Variants in OSBP2 observed in about 807,000 individuals in gnomAD.
The protein encoded by OSBP2 is oxysterol-binding protein 2.
OSBP2 carries 66 observed loss-of-function variants against 96.0 expected under a neutral mutation model. The observed-to-expected ratio is 0.69, with a 90% CI of 0.56 to 0.84. OSBP2 has a LOEUF of 0.84. OSBP2 is among the 40% of genes least tolerant of loss of function. OSBP2 has a pLI of 0.00. For synonymous variants in OSBP2, 525 were observed against 520.9 expected (o/e 1.01, Z -0.11); for missense variants, 1,038 against 1,222.7 (o/e 0.85, Z 2.25).
At chr22:30,762,420 C>T (rs928045247) in intron 2 of OSBP2, among the ~76,000 whole-genome samples, 7 of 151,350 alleles carry the variant, frequency 4.6e-5, no homozygotes, top group African/African-American at 1.2e-4. Flanking sequence ...TGGTGGCGGG[C>T]GCCTGTAGTC....
intron 3 of OSBP2, among the ~76,000 whole-genome samples, chr22:30,877,844 G>T (rs1010881898): frequency 4.6e-5 from 7 of 152,240 alleles, no homozygotes; most frequent in Admixed American, 6.5e-5. Context: ...CCTAGGACAT[G>T]GTCCTTCTGA....
chr22:30,758,671 G>C (rs1420838695), intron 2 of OSBP2, among the ~76,000 whole-genome samples: 2 of 152,118 alleles, frequency 1.3e-5, no homozygotes, highest in East Asian at 1.9e-4. Flanking sequence ...GTGGCGATGA[G>C]AGGCCTGCAG....
chr22:30,734,611 C>G (rs1395523106), intron 1 of OSBP2, among the ~76,000 whole-genome samples: 1 of 152,154 alleles, frequency 6.6e-6, no homozygotes, highest in Non-Finnish European at 1.5e-5. Context: ...AAACAACAAT[C>G]TGGATTTTAG....
At chr22:30,861,114 G>A (rs977620992) in intron 2 of OSBP2, among the ~76,000 whole-genome samples, 2 of 152,174 alleles carry the variant, frequency 1.3e-5, no homozygotes, top group Non-Finnish European at 2.9e-5. Context: ...TCTGGGATTT[G>A]TGCTTGTCGA....
At chr22:30,902,693 C>G in intron 12 of OSBP2, 1 of 530,912 alleles carries the variant, frequency 1.9e-6, no homozygotes, top group Non-Finnish European at 3.6e-6. Flanking sequence ...AATGTTGTGA[C>G]GCCCCTCAAT....
chr22:30,872,016 G>C lies in OSBP2; in HGVS notation c.1107+1334G>C, dbSNP rs139434714. Among the ~76,000 whole-genome samples the C allele has an allele frequency of 5.9e-5, 9 of 152,380 alleles. No individual in the cohort carries two copies. In the East Asian group the frequency reaches 1.7e-3, roughly 29 times the overall value. On this transcript the variant is annotated intron_variant, in intron 3 of 13. Transcript: ENST00000332585. ...CGACTGCTGGGAAACTCAGCCTGCA[G>C]GTGCCCACCCGCCTCAGCTCAGCAG...
chr22:30,831,520 G>A (rs1255108750), intron 2 of OSBP2, among the ~76,000 whole-genome samples: 2 of 152,308 alleles, frequency 1.3e-5, no homozygotes, highest in African/African-American at 4.8e-5. Context: ...GTTCAGAGAA[G>A]TGGTCCCTGG....
chr22:30,893,367 C>T, intron 9 of OSBP2, 96 bp from the exon 10 acceptor site: 1 of 1,524,980 alleles, frequency 6.6e-7, no homozygotes, highest in Non-Finnish European at 9.1e-7. Context: ...GCCTCTTCAA[C>T]CCCCCAGCCT....
chr22:30,781,142 ATTTTTT>A (rs136305), intron 2 of OSBP2, among the ~76,000 whole-genome samples: 1 of 133,682 alleles, frequency 7.5e-6, no homozygotes, highest in African/African-American at 2.8e-5. Flanking sequence ...TGCCTGGCTA[ATTTTTT>A]TTTTTTTTTT....
chr22:30,867,262 C>G (rs1395434459), intron 2 of OSBP2, among the ~76,000 whole-genome samples: 1 of 152,160 alleles, frequency 6.6e-6, no homozygotes, highest in African/African-American at 2.4e-5. Context: ...TCAACTGCCA[C>G]ATGCTCCCTT....
intron 2 of OSBP2, among the ~76,000 whole-genome samples, chr22:30,746,902 G>A (rs1255360011): frequency 6.6e-6 from 1 of 152,162 alleles, no homozygotes; most frequent in Non-Finnish European, 1.5e-5. Flanking sequence ...TATGAATATA[G>A]CTGCAAAATC....
intron 1 of OSBP2, among the ~76,000 whole-genome samples, chr22:30,739,202 T>C (rs2089899736): frequency 6.6e-6 from 1 of 152,220 alleles, no homozygotes; most frequent in African/African-American, 2.4e-5. Context: ...CCTCCCCTTA[T>C]TTTGATACCA....
intron 1 of OSBP2, among the ~76,000 whole-genome samples, chr22:30,715,211 A>G (rs1344024256): frequency 6.6e-6 from 1 of 152,006 alleles, no homozygotes; most frequent in African/African-American, 2.4e-5. Flanking sequence ...AATGTTTCTT[A>G]AAGGTTCCAG....
intron 1 of OSBP2, among the ~76,000 whole-genome samples, chr22:30,735,454 C>A (rs2089837351): frequency 1.7e-5 from 2 of 116,340 alleles, no homozygotes; most frequent in Non-Finnish European, 3.3e-5. Flanking sequence ...TTAACTCTGT[C>A]ACCCAGGCTG....
intron 2 of OSBP2, among the ~76,000 whole-genome samples, chr22:30,798,728 A>G (rs2090801003): frequency 6.6e-6 from 1 of 152,168 alleles, no homozygotes; most frequent in Non-Finnish European, 1.5e-5. Flanking sequence ...AAGTCATTTG[A>G]TCAGCTGGGC....
intron 2 of OSBP2, among the ~76,000 whole-genome samples, chr22:30,862,373 A>G (rs1398707220): frequency 1.3e-5 from 2 of 152,218 alleles, no homozygotes; most frequent in Non-Finnish European, 2.9e-5. Flanking sequence ...GGCAGGTGCC[A>G]CTAGGCTGTC....
At chr22:30,873,122 A>G (rs558457971) in intron 3 of OSBP2, among the ~76,000 whole-genome samples, 1 of 152,316 alleles carries the variant, frequency 6.6e-6, no homozygotes, top group East Asian at 1.9e-4. Flanking sequence ...GTTAGTGTCA[A>G]CGTGGAAACT....
intron 2 of OSBP2, among the ~76,000 whole-genome samples, chr22:30,845,545 G>A (rs1602348231): frequency 1.3e-5 from 2 of 151,962 alleles, no homozygotes; most frequent in East Asian, 3.9e-4. Context: ...CCTGCTCAAT[G>A]CAGGGTTGCT....
intron 1 of OSBP2, among the ~76,000 whole-genome samples, chr22:30,713,435 G>T (rs2089391879): frequency 6.7e-6 from 1 of 148,784 alleles, no homozygotes; most frequent in South Asian, 2.2e-4. Context: ...GGGAACCAAT[G>T]AAGTATTTTA....
Sources: gnomAD v4.1 joint callset for allele counts (sites outside exome capture counted in the v4.1 genomes callset) on GRCh38, gnomAD v4.1.1 for gene constraint, MANE v1.5 for transcripts, NCBI Gene and HGNC (gene_info 2026-07-23, HGNC 2026-07-21) for gene names.